ACBD6: variants seen among roughly 807,000 people sequenced by gnomAD.
ACBD6 encodes acyl-CoA-binding domain-containing protein 6.
In ACBD6, 28 loss-of-function variants were observed where a neutral mutation model predicts 37.2. That is an observed-to-expected ratio of 0.75 (90% CI 0.56 to 1.03). ACBD6 has a LOEUF of 1.03. Among genes scored for constraint, ACBD6 ranks in the 50% least tolerant of loss-of-function variants. ACBD6 has a pLI of 0.00. For missense variants in ACBD6, 340 were observed against 337.4 expected (o/e 1.01, Z -0.06); for synonymous variants, 113 against 126.8 (o/e 0.89, Z 0.73).
intron 6 of ACBD6, among the ~76,000 whole-genome samples, chr1:180,342,417 G>A (rs1344574416): frequency 2.0e-5 from 3 of 152,100 alleles, no homozygotes; most frequent in South Asian, 2.1e-4. Context: ...TAATCCAATT[G>A]TAGTGTTTAG....
At chr1:180,463,996 C>T (rs1268815392) in intron 3 of ACBD6, among the ~76,000 whole-genome samples, 1 of 152,076 alleles carries the variant, frequency 6.6e-6, no homozygotes, top group East Asian at 1.9e-4. Flanking sequence ...TTCGATAAAA[C>T]TCAACATCCC....
intron 7 of ACBD6, among the ~76,000 whole-genome samples, chr1:180,308,734 G>T (rs1483383168): frequency 2.6e-5 from 4 of 152,124 alleles, no homozygotes; most frequent in Non-Finnish European, 4.4e-5. Flanking sequence ...TTTCCAGGTT[G>T]CGTTGGCATT....
At position 180,349,906 on chromosome 1, in the gene ACBD6, T is replaced by A. The variant is rs185241372; in HGVS notation, c.664-35184A>T. 3.3e-5 allele frequency among the ~76,000 whole-genome samples: 5 copies of A among 151,830 alleles called. No homozygotes were observed. The East Asian group carries it at 7.8e-4, about 24-fold the overall frequency. On this transcript the variant is annotated intron_variant, in intron 6 of 7. Coordinates refer to ENST00000367595, the MANE Select transcript of ACBD6 (RefSeq NM_032360.4). ...AGCTACCATAAAATCACGTAAATAT[T>A]TTTTTTTCTATTTGTATTCTAATTT...
intron 6 of ACBD6, among the ~76,000 whole-genome samples, chr1:180,394,407 T>G (rs1199390370): frequency 6.6e-6 from 1 of 152,062 alleles, no homozygotes; most frequent in African/African-American, 2.4e-5. Context: ...TTTTTTTTCT[T>G]TGTTGTTTTA....
intron 3 of ACBD6, among the ~76,000 whole-genome samples, chr1:180,443,698 C>T (rs867687109): frequency 4.6e-5 from 7 of 151,988 alleles, no homozygotes; most frequent in African/African-American, 7.3e-5. Flanking sequence ...CTGCAAGCTC[C>T]GCCTCCTGGG....
chr1:180,411,971 G>A (rs1647878608), intron 5 of ACBD6, among the ~76,000 whole-genome samples: 1 of 152,030 alleles, frequency 6.6e-6, no homozygotes, highest in Non-Finnish European at 1.5e-5. Flanking sequence ...CGTCTGGCCA[G>A]TAAACACAAC....
chr1:180,489,339 CAAA>C (rs201452038), intron 3 of ACBD6, among the ~76,000 whole-genome samples: 1 of 137,070 alleles, frequency 7.3e-6, no homozygotes, highest in South Asian at 2.3e-4. Context: ...AAAGTAAAGA[CAAA>C]AAAAAAAGCT....
At position 180,300,150 on chromosome 1, in the gene ACBD6, T is replaced by C. The variant is rs530625707; in HGVS notation, c.695-11633A>G. On this transcript the variant is annotated intron_variant, in intron 7 of 7. Coordinates refer to ENST00000367595, the MANE Select transcript of ACBD6 (RefSeq NM_032360.4). ...AGCTGTCAAGCCCAACCATAATTCA[T>C]AAAAAATAATAACTAAATCCCCAAA... Among the ~76,000 whole-genome samples the C allele has an allele frequency of 6.9e-4, 105 of 152,242 alleles. 2 individuals carry two copies. Among genetic ancestry groups the C allele is most frequent in the Non-Finnish European group, 1.2e-3 (83 of 68,034 alleles).
chr1:180,354,302 T>G (rs1384980766), intron 6 of ACBD6, among the ~76,000 whole-genome samples: 4 of 152,224 alleles, frequency 2.6e-5, no homozygotes, highest in African/African-American at 9.6e-5. Flanking sequence ...AACCCTCTAT[T>G]TACCCTGAAG....
chr1:180,488,831 T>C (rs1203350769), intron 3 of ACBD6, among the ~76,000 whole-genome samples: 1 of 152,154 alleles, frequency 6.6e-6, no homozygotes, highest in Non-Finnish European at 1.5e-5. Context: ...TCCTCCTGCC[T>C]CAGCCTCCCA....
chr1:180,278,401 C>CAGTG (rs1268476057), intron 9 of ACBD6: 1 of 152,104 alleles, frequency 6.6e-6, no homozygotes, highest in African/African-American at 2.4e-5. Context: ...CTGTTCTAAA[C>CAGTG]AGTGAGTGAC....
intron 3 of ACBD6, among the ~76,000 whole-genome samples, chr1:180,476,977 A>G (rs966340211): frequency 2.0e-5 from 3 of 152,216 alleles, no homozygotes; most frequent in African/African-American, 7.2e-5. Flanking sequence ...CCAAAACATT[A>G]CACAATATAA....
intron 3 of ACBD6, among the ~76,000 whole-genome samples, chr1:180,478,454 G>A (rs1650886271): frequency 6.6e-6 from 1 of 150,994 alleles, no homozygotes; most frequent in Middle Eastern, 3.5e-3. Flanking sequence ...TTTCTGCCTC[G>A]TTCCTGAAGC....
At chr1:180,274,065 T>G in exon 11 of ACBD6, 2 of 1,286,948 alleles carry the variant, frequency 1.6e-6, no homozygotes, top group Non-Finnish European at 2.2e-6. Flanking sequence ...CATGCTTGGC[T>G]GCAAGGCAGC....
intron 3 of ACBD6, among the ~76,000 whole-genome samples, chr1:180,485,791 G>A (rs991227278): frequency 6.6e-6 from 1 of 152,018 alleles, no homozygotes; most frequent in Non-Finnish European, 1.5e-5. Flanking sequence ...CAATGATGGG[G>A]ATGTATCAAA....
chr1:180,347,806 C>T (rs541033636), intron 6 of ACBD6, among the ~76,000 whole-genome samples: 2 of 152,036 alleles, frequency 1.3e-5, no homozygotes, highest in African/African-American at 4.8e-5. Flanking sequence ...CCCATCTCTA[C>T]TAAAAATACA....
intron 6 of ACBD6, among the ~76,000 whole-genome samples, chr1:180,346,894 T>C (rs1364733172): frequency 6.6e-6 from 1 of 152,052 alleles, no homozygotes; most frequent in Non-Finnish European, 1.5e-5. Flanking sequence ...TGTGCACCTG[T>C]AGTCCCAGCT....
Position 180,294,029 on chromosome 1 carries a change from G to A in ACBD6, c.695-5512C>T, listed in dbSNP as rs144678380. The stretch of plus-strand genomic sequence containing the variant: ...CCTGCTTCAGGCTCCCGAGCAGCTG[G>A]GATTACAGGTGCGCACCACCACATC... On this transcript the variant is annotated intron_variant, in intron 7 of 7. Coordinates refer to ENST00000367595, the MANE Select transcript of ACBD6 (RefSeq NM_032360.4). 5.4e-3 allele frequency among the ~76,000 whole-genome samples: 821 copies of A among 152,042 alleles called. 7 individuals are homozygous for A. Among genetic ancestry groups the A allele is most frequent in the African/African-American group, 0.019 (776 of 41,492 alleles).
intron 6 of ACBD6, among the ~76,000 whole-genome samples, chr1:180,358,453 A>C (rs888126038): frequency 1.3e-4 from 20 of 151,794 alleles, no homozygotes; most frequent in Admixed American, 7.9e-4. Context: ...ACAACAAAAA[A>C]AAAAAACCTC....
Sources: allele counts gnomAD v4.1 joint callset (sites outside exome capture counted in the v4.1 genomes callset), GRCh38; gene constraint gnomAD v4.1.1; transcripts MANE v1.5; gene names NCBI Gene and HGNC (gene_info 2026-07-23, HGNC 2026-07-21).